Variants in RIMS2 observed in about 807,000 individuals in gnomAD.
RIMS2 encodes the protein regulating synaptic membrane exocytosis 2, also known as regulating synaptic membrane exocytosis protein 2.
In RIMS2, 59 loss-of-function variants were observed where a neutral mutation model predicts 174.4. The observed-to-expected ratio is 0.34, with a 90% CI of 0.27 to 0.42. RIMS2 has a LOEUF of 0.42. RIMS2 is among the 10% of genes least tolerant of loss of function. RIMS2 has a pLI of 1.00. For missense variants in RIMS2, 1,620 were observed against 1,666.3 expected (o/e 0.97, Z 0.48); for synonymous variants, 606 against 572.5 (o/e 1.06, Z -0.84).
At chr8:103,765,326 T>A (rs2098157854) in intron 2 of RIMS2, among the ~76,000 whole-genome samples, 1 of 152,106 alleles carries the variant, frequency 6.6e-6, no homozygotes, top group South Asian at 2.1e-4. Context: ...GTCTGAAAAA[T>A]ATATCTGTAG....
chr8:103,665,602 A>C (rs900143756), intron 1 of RIMS2, among the ~76,000 whole-genome samples: 2 of 152,188 alleles, frequency 1.3e-5, no homozygotes, highest in African/African-American at 4.8e-5. Context: ...ATAACTTGTG[A>C]TGTTACAATC....
chr8:103,951,201 G>A (rs1006287687), intron 14 of RIMS2, among the ~76,000 whole-genome samples: 1 of 152,168 alleles, frequency 6.6e-6, no homozygotes, highest in Admixed American at 6.5e-5. Flanking sequence ...AATAAACTAG[G>A]CATTGAAGGA....
chr8:104,251,919 T>C, downstream of RIMS2: 3 of 727,138 alleles, frequency 4.1e-6, no homozygotes, highest in East Asian at 2.5e-5. Flanking sequence ...CTTAATGTTG[T>C]GTCTTCTGAG....
intron 15 of RIMS2, among the ~76,000 whole-genome samples, chr8:103,967,179 T>TG (rs1242430656): frequency 1.3e-4 from 16 of 125,344 alleles, no homozygotes; most frequent in East Asian, 8.7e-4. Context: ...TGTTTTTTTT[T>TG]TTTTTTTTTT....
chr8:103,836,639 T>G (rs190976030), intron 3 of RIMS2, among the ~76,000 whole-genome samples: 1 of 152,178 alleles, frequency 6.6e-6, no homozygotes, highest in South Asian at 2.1e-4. Flanking sequence ...AACAATAATT[T>G]TTTGGGTCTT....
In RIMS2 at chr8:103,979,845, A is replaced by C. The variant is rs2093744471; in HGVS notation, c.2927+4339A>C. ...GTTGCCCTGTCATGGCAGAGAGCAAAGCTTTGCTGGGCTCAGCCAGTGCCT... is the reference window on the plus strand; with the variant it reads ...GTTGCCCTGTCATGGCAGAGAGCAACGCTTTGCTGGGCTCAGCCAGTGCCT... On this transcript the variant is annotated intron_variant, in intron 16 of 23. Coordinates refer to ENST00000504942, the Ensembl canonical transcript of RIMS2. Among the ~76,000 whole-genome samples, 2 of 152,198 alleles carry C rather than the reference A, an allele frequency of 1.3e-5. 1 individual carries two copies. The highest frequency in any genetic ancestry group is 1.3e-4 in the Admixed American group (2 of 15,278).
chr8:103,946,839 T>A (rs1390058260), intron 14 of RIMS2, among the ~76,000 whole-genome samples: 1 of 152,202 alleles, frequency 6.6e-6, no homozygotes, highest in Non-Finnish European at 1.5e-5. Flanking sequence ...TTTCCTCATT[T>A]CCATACTTAT....
chr8:103,876,099 CT>C (rs1199075337), intron 3 of RIMS2, among the ~76,000 whole-genome samples: 1 of 151,870 alleles, frequency 6.6e-6, no homozygotes, highest in East Asian at 1.9e-4. Context: ...TGTGCAGAAG[CT>C]TTTTAGTTTA....
In RIMS2 at chr8:104,014,632, A is replaced by C; in HGVS notation, c.3334+17A>C. 1 of 1,485,774 alleles carries C rather than the reference A, an allele frequency of 6.7e-7. No homozygotes were observed. 92.0% of individuals were successfully genotyped at this position (1,485,774 alleles called of 1,614,324 possible). ...TGGATAGAAGTAAGTTTTATTTCTAATTGTCTCGTTTAGGAAATACACATG... is the reference window on the plus strand; with the variant it reads ...TGGATAGAAGTAAGTTTTATTTCTACTTGTCTCGTTTAGGAAATACACATG... On this transcript the variant is annotated intron_variant, in intron 19 of 23. Transcript: ENST00000504942.
chr8:103,800,914 T>G (rs2098603179), intron 3 of RIMS2, among the ~76,000 whole-genome samples: 1 of 152,174 alleles, frequency 6.6e-6, no homozygotes, highest in South Asian at 2.1e-4. Context: ...TTTAAATGTT[T>G]GATAGAATTT....
At chr8:103,697,687 C>T (rs1368840143) in intron 2 of RIMS2, among the ~76,000 whole-genome samples, 5 of 152,098 alleles carry the variant, frequency 3.3e-5, no homozygotes, top group Non-Finnish European at 5.9e-5. Context: ...ATGATTGTGC[C>T]ACTGCACTCC....
At chr8:103,838,979 G>C (rs1475200403) in intron 3 of RIMS2, among the ~76,000 whole-genome samples, 5 of 152,106 alleles carry the variant, frequency 3.3e-5, no homozygotes, top group Admixed American at 3.3e-4. Flanking sequence ...GCAAGAGAAC[G>C]GCGTGAACCC....
exon 21 of RIMS2, chr8:104,248,723 T>C (rs1234270181): frequency 1.2e-6 from 2 of 1,609,728 alleles, no homozygotes; most frequent in Admixed American, 3.3e-5. Context: ...TGGTGTTCGC[T>C]TGGCCTCTGA....
intron 1 of RIMS2, among the ~76,000 whole-genome samples, chr8:103,544,151 T>C (rs1198063161): frequency 1.3e-5 from 2 of 151,996 alleles, no homozygotes; most frequent in Non-Finnish European, 2.9e-5. Flanking sequence ...CAATCTCTAC[T>C]AGAGCTTCTG....
chr8:103,728,068 A>G (rs940777179), intron 2 of RIMS2, among the ~76,000 whole-genome samples: 1 of 152,124 alleles, frequency 6.6e-6, no homozygotes, highest in African/African-American at 2.4e-5. Context: ...CGGTCCATGA[A>G]CATGGAATAT....
chr8:104,173,038 A>T, intron 19 of RIMS2, among the ~76,000 whole-genome samples: 1 of 152,172 alleles, frequency 6.6e-6, no homozygotes, highest in East Asian at 1.9e-4. Context: ...CAGTGTCCAT[A>T]CATTTGCTAT....
At chr8:104,064,071 T>TA (rs961704280) in intron 19 of RIMS2, among the ~76,000 whole-genome samples, 1 of 152,204 alleles carries the variant, frequency 6.6e-6, no homozygotes, top group African/African-American at 2.4e-5. Flanking sequence ...TATCTTTGGT[T>TA]AAAAAAATTC....
intron 2 of RIMS2, among the ~76,000 whole-genome samples, chr8:103,714,999 A>C (rs117627429): frequency 6.6e-6 from 1 of 152,190 alleles, no homozygotes; most frequent in Non-Finnish European, 1.5e-5. Flanking sequence ...TTACCACTGG[A>C]GTTTCCAGGT....
chr8:103,901,198 G>T (rs567256088), intron 4 of RIMS2, among the ~76,000 whole-genome samples: 1 of 152,130 alleles, frequency 6.6e-6, no homozygotes, highest in Non-Finnish European at 1.5e-5. Context: ...TAAGAGGAAA[G>T]CCAACACTGG....
Sources: gnomAD v4.1 joint callset for allele counts (sites outside exome capture counted in the v4.1 genomes callset) on GRCh38, gnomAD v4.1.1 for gene constraint, MANE v1.5 for transcripts, NCBI Gene and HGNC (gene_info 2026-07-23, HGNC 2026-07-21) for gene names.